NLRP8: variants seen among roughly 807,000 people sequenced by gnomAD.
NLRP8 encodes NLR family pyrin domain containing 8, also known as NACHT, LRR and PYD domains-containing protein 8.
NLRP8 carries 86 observed loss-of-function variants against 88.7 expected under a neutral mutation model. That is an observed-to-expected ratio of 0.97 (90% confidence interval 0.81 to 1.16). NLRP8 has a LOEUF of 1.16. Ranked by LOEUF, NLRP8 falls within the 50% of genes most tolerant of loss-of-function variation. NLRP8 has a pLI of 0.00. For synonymous variants in NLRP8, 504 were observed against 494.6 expected, an observed-to-expected ratio of 1.02 and a Z score of -0.25; for missense variants, 1,342 against 1,286.5, an observed-to-expected ratio of 1.04 and a Z score of -0.66.
At position 55,958,854 on chromosome 19, in the gene NLRP8, G is replaced by A. The variant is rs142103288; in HGVS notation, c.2042+2754G>A. 3.7e-3 allele frequency among the ~76,000 whole-genome samples: 562 copies of A among 151,914 alleles called. 4 individuals carry two copies. Among genetic ancestry groups the A allele is most frequent in the African/African-American group, 0.013 (542 of 41,414 alleles). ...GTGTGAGCCACCGCGTCCAGCCAGGGCCTATTTTTTGTTTTTTGTTTGTTT... is the reference window on the plus strand; with the variant it reads ...GTGTGAGCCACCGCGTCCAGCCAGGACCTATTTTTTGTTTTTTGTTTGTTT... On this transcript the variant is annotated intron_variant, in intron 3 of 9. Transcript: ENST00000291971.
At chr19:55,948,461 G>A (rs1978952158) in intron 1 of NLRP8, among the ~76,000 whole-genome samples, 192 bp downstream of exon 1, 1 of 152,076 alleles carries the variant, frequency 6.6e-6, no homozygotes, top group African/African-American at 2.4e-5. Context: ...CTGAGATGGG[G>A]TTTCGCTCTT....
intron 6 of NLRP8, among the ~76,000 whole-genome samples, chr19:55,971,164 G>GTT (rs1980057653): frequency 6.6e-6 from 1 of 152,158 alleles, no homozygotes; most frequent in Non-Finnish European, 1.5e-5. Context: ...AAAGGGCCGG[G>GTT]CACGGTGGCT....
At position 55,955,117 on chromosome 19, in the gene NLRP8, C is replaced by T. The variant is rs766749134; in HGVS notation, c.1059C>T (p.Thr353=). ...TGCTGAAATGTCCCTCTCTCGTAACCCTTCCGGGGTTTAATACGATGGAAA... is the reference window on the plus strand; with the variant it reads ...TGCTGAAATGTCCCTCTCTCGTAACTCTTCCGGGGTTTAATACGATGGAAA... Residue 353 remains threonine (T), a synonymous_variant, in exon 3 of 10, where the codon ACC becomes ACT. Coordinates refer to ENST00000291971, the MANE Select transcript of NLRP8 (RefSeq NM_176811.2). 220 of 1,613,966 alleles carry T rather than the reference C, an allele frequency of 1.4e-4. No homozygotes were observed. Among genetic ancestry groups the T allele is most frequent in the Non-Finnish European group, 1.8e-4 (213 of 1,179,966 alleles).
Position 55,966,156 on chromosome 19 carries a change from A to C in NLRP8, c.2214-57A>C, listed in dbSNP as rs199475841. 3.7e-5 allele frequency: 58 copies of C among 1,554,474 alleles called. No individual in the cohort carries two copies. Among genetic ancestry groups the C allele is most frequent in the Middle Eastern group, 3.4e-4 (2 of 5,812 alleles). ...CCGGGAGCCTCGTTTGTGAGGCCAC[A>C]GAATTCTACGACTGTGGACGGGACC... On this transcript the variant is annotated intron_variant, in intron 4 of 9. Coordinates refer to ENST00000291971, the MANE Select transcript of NLRP8 (RefSeq NM_176811.2).
At chr19:55,975,223 C>T (rs2123220111) in intron 7 of NLRP8, among the ~76,000 whole-genome samples, 1 of 152,332 alleles carries the variant, frequency 6.6e-6, no homozygotes, top group Non-Finnish European at 1.5e-5. Flanking sequence ...TTCCCATCCC[C>T]TAATTCAATG....
At position 55,954,495 on chromosome 19, in the gene NLRP8, A is replaced by G. The variant is rs370177985; in HGVS notation, c.443-6A>G. 4.4e-5 allele frequency: 71 copies of G among 1,610,960 alleles called. No homozygotes were observed. In the Middle Eastern group the frequency reaches 5.0e-4, roughly 11 times the overall value. On this transcript the variant is annotated splice_polypyrimidine_tract_variant and splice_region_variant and intron_variant, in intron 2 of 9. Transcript: ENST00000291971. ...ACCCTTTATTTCTCCCATCTCACAA[A>G]TCTAGGTAAAATACGGCGGTATAAA...
chr19:55,958,082 C>G (rs1179273371), intron 3 of NLRP8, among the ~76,000 whole-genome samples: 1 of 152,020 alleles, frequency 6.6e-6, no homozygotes, highest in African/African-American at 2.4e-5. Flanking sequence ...CACATCTGGT[C>G]GAAGCTAAGA....
intron 2 of NLRP8, among the ~76,000 whole-genome samples, chr19:55,952,923 A>G (rs991208330): frequency 6.6e-5 from 10 of 151,882 alleles, no homozygotes; most frequent in Non-Finnish European, 1.5e-4. Flanking sequence ...ACTCCATCTC[A>G]AAAAAAATAA....
At chr19:55,953,563 C>A (rs1423679810) in intron 2 of NLRP8, among the ~76,000 whole-genome samples, 2 of 151,792 alleles carry the variant, frequency 1.3e-5, no homozygotes, top group Admixed American at 6.6e-5. Context: ...GTGGCGTGAT[C>A]TCTCAGCTCA....
intron 7 of NLRP8, among the ~76,000 whole-genome samples, chr19:55,974,437 G>A (rs1980216239): frequency 6.6e-6 from 1 of 152,014 alleles, no homozygotes; most frequent in Non-Finnish European, 1.5e-5. Context: ...CCCTATCTTA[G>A]TGCACCTGAA....
chr19:55,964,038 T>C (rs1979729607), intron 4 of NLRP8, among the ~76,000 whole-genome samples: 1 of 152,138 alleles, frequency 6.6e-6, no homozygotes, highest in African/African-American at 2.4e-5. Flanking sequence ...GGCTCTAGAA[T>C]CAGTTCTCTT....
Position 55,955,141 on chromosome 19 carries a change from A to G in NLRP8, c.1083A>G (p.Glu361=), listed in dbSNP as rs764450478. ...CCCTTCCGGGGTTTAATACGATGGA[A>G]AAAATCAAGTATTTCCAGATGTATT... is the stretch of plus-strand genomic sequence containing the variant. The change falls in exon 3 of 10, where the codon GAA becomes GAG. Residue 361 remains glutamate (E), a synonymous_variant. Coordinates refer to ENST00000291971, the MANE Select transcript of NLRP8 (RefSeq NM_176811.2). 6.2e-7 allele frequency: 1 copy of G among 1,614,058 alleles called. No individual in the cohort carries two copies. Among genetic ancestry groups the G allele is most frequent in the Non-Finnish European group, 8.5e-7 (1 of 1,179,888 alleles).
rs747359142 is a variant in NLRP8, at chr19:55,973,675, A to AGAAAG, written c.2559_2560insAAAGG (p.Leu854LysfsTer18). On this transcript the variant is annotated frameshift_variant, in exon 7 of 10. Transcript: ENST00000291971. LOFTEE classifies it high-confidence loss of function. ...AGGATAGAGAACTGCAACCTTACAC[A>AGAAAG]GCTTACTTGTGAAAGCCTTGCCTCC... The AGAAAG allele has an allele frequency of 6.2e-7, 1 of 1,613,436 alleles. No individual in the cohort carries two copies. Among genetic ancestry groups the AGAAAG allele is most frequent in the South Asian group, 1.1e-5 (1 of 90,934 alleles).
intron 4 of NLRP8, 69 bp downstream of exon 4, chr19:55,962,306 A>G: frequency 2.0e-6 from 3 of 1,491,002 alleles, no homozygotes; most frequent in Non-Finnish European, 2.7e-6. Context: ...CACTTTCTTC[A>G]TTCCCTCTCC....
intron 5 of NLRP8, 125 bp from the exon 6 acceptor site, chr19:55,970,419 A>G (rs1001329644): frequency 8.7e-7 from 1 of 1,143,880 alleles, no homozygotes; most frequent in Non-Finnish European, 1.2e-6. Flanking sequence ...CTGGCCGGAA[A>G]GTTGGAAATA....
intron 9 of NLRP8, chr19:55,987,730 C>G: frequency 2.0e-6 from 2 of 986,046 alleles, no homozygotes; most frequent in Non-Finnish European, 3.3e-6. Context: ...GTAGAAAAAG[C>G]ATAGAGACAA....
At chr19:55,953,726 C>A (rs1979200397) in intron 2 of NLRP8, among the ~76,000 whole-genome samples, 1 of 151,024 alleles carries the variant, frequency 6.6e-6, no homozygotes. Context: ...TCTCAAACTC[C>A]TAACCTCGTG....
At chr19:55,954,071 G>A (rs998569605) in intron 2 of NLRP8, among the ~76,000 whole-genome samples, 2 of 152,026 alleles carry the variant, frequency 1.3e-5, no homozygotes, top group Admixed American at 6.6e-5. Context: ...CCAAAGTGCT[G>A]GGATTACAGG....
rs1027361551 is a variant in NLRP8 at position 55,986,806 on chromosome 19, G to A, written c.3048-1008G>A. ...CCCAGAGCTGGACCTGCTCTTGGTG[G>A]TGAGGTGTGAAGCTGGTGAGTATTC... On this transcript the variant is annotated intron_variant, in intron 9 of 9. Coordinates refer to ENST00000291971, the MANE Select transcript of NLRP8 (RefSeq NM_176811.2). 2.0e-5 allele frequency among the ~76,000 whole-genome samples: 3 copies of A among 152,062 alleles called. No homozygotes were observed. In the East Asian group the frequency reaches 5.8e-4, roughly 29 times the overall value.
Sources: allele counts gnomAD v4.1 joint callset (sites outside exome capture counted in the v4.1 genomes callset), GRCh38; gene constraint gnomAD v4.1.1; transcripts MANE v1.5; gene names NCBI Gene and HGNC (gene_info 2026-07-23, HGNC 2026-07-21).